ST3GAL5: variants seen among roughly 807,000 people sequenced by gnomAD.
ST3GAL5 encodes the protein ST3 beta-galactoside alpha-2,3-sialyltransferase 5.
ST3GAL5 carries 25 observed loss-of-function variants against 46.1 expected under a neutral mutation model. The ratio of observed to expected loss-of-function variants is 0.54; its 90% CI spans 0.40 to 0.76. The LOEUF (loss-of-function observed/expected upper bound fraction) is 0.76. ST3GAL5 is among the 30% of genes least tolerant of loss of function. ST3GAL5 has a pLI of 0.00. For synonymous variants in ST3GAL5, 182 were observed against 192.7 expected, an observed-to-expected ratio of 0.94 and a Z score of 0.46; for missense variants, 431 against 521.2, an observed-to-expected ratio of 0.83 and a Z score of 1.69.
chr2:85,842,393 A>T (rs899716444), intron 6 of ST3GAL5, among the ~76,000 whole-genome samples: 1 of 152,120 alleles, frequency 6.6e-6, no homozygotes, highest in Non-Finnish European at 1.5e-5. Flanking sequence ...ATATGGAGAG[A>T]ACTAAAAAAC....
chr2:85,856,022 G>C (rs1438591405), intron 3 of ST3GAL5: 1 of 152,154 alleles, frequency 6.6e-6, no homozygotes, highest in East Asian at 1.9e-4. Flanking sequence ...CAACCATTTT[G>C]GAAAACAGCT....
intron 3 of ST3GAL5, among the ~76,000 whole-genome samples, chr2:85,860,116 T>C (rs1311672899): frequency 6.6e-6 from 1 of 152,192 alleles, no homozygotes; most frequent in Non-Finnish European, 1.5e-5. Flanking sequence ...ATGGGGATGA[T>C]TGTAGCACCT....
chr2:85,857,620 CAT>C (rs1033768753), intron 3 of ST3GAL5, among the ~76,000 whole-genome samples: 4 of 150,722 alleles, frequency 2.7e-5, no homozygotes, highest in African/African-American at 9.8e-5. Context: ...GCCTAAAATA[CAT>C]AGAGTTGGGA....
chr2:85,868,237 T>C (rs986806336), intron 1 of ST3GAL5, among the ~76,000 whole-genome samples: 15 of 152,266 alleles, frequency 9.9e-5, no homozygotes, highest in Admixed American at 3.9e-4. Flanking sequence ...TACATGAACA[T>C]TGAATCAGGG....
At chr2:85,844,792 C>A in intron 5 of ST3GAL5, 1 of 575,844 alleles carries the variant, frequency 1.7e-6, no homozygotes, top group Admixed American at 2.8e-5. Context: ...AATTGCAGAA[C>A]CAGCTTGTAT....
intron 1 of ST3GAL5, among the ~76,000 whole-genome samples, chr2:85,870,546 G>A (rs1374584372): frequency 1.3e-5 from 2 of 152,094 alleles, no homozygotes; most frequent in African/African-American, 4.8e-5. Flanking sequence ...CCACCTTTAT[G>A]CAGAAAAGGC....
chr2:85,845,096 ATTAG>A (rs1196142970), intron 5 of ST3GAL5: 11 of 208,640 alleles, frequency 5.3e-5, no homozygotes, highest in Non-Finnish European at 9.8e-5. Flanking sequence ...AATACGTCCC[ATTAG>A]TTTCACAGAC....
intron 1 of ST3GAL5, among the ~76,000 whole-genome samples, chr2:85,874,327 C>T (rs1164908756): frequency 3.9e-5 from 6 of 152,270 alleles, no homozygotes; most frequent in South Asian, 2.1e-4. Flanking sequence ...GTTCCCAGCA[C>T]GCACGATGGG....
intron 1 of ST3GAL5, among the ~76,000 whole-genome samples, chr2:85,869,374 C>A (rs889920153): frequency 1.4e-5 from 2 of 146,686 alleles, no homozygotes; most frequent in Admixed American, 1.4e-4. Context: ...GAGTTTATTT[C>A]TTTTTGCATT....
chr2:85,888,754 A>G, intron 1 of ST3GAL5, 70 bp downstream of exon 1: 1 of 1,112,748 alleles, frequency 9.0e-7, no homozygotes, highest in Non-Finnish European at 1.1e-6. Flanking sequence ...GCCCGGGAAG[A>G]GACAAGTCGC....
At chr2:85,860,874 T>G (rs567820227) in intron 3 of ST3GAL5, 1 of 325,510 alleles carries the variant, frequency 3.1e-6, no homozygotes, top group South Asian at 3.4e-5. Context: ...AAGAATTTCT[T>G]TGTTGTTTAC....
rs1267804946 is a variant in ST3GAL5, at chr2:85,839,228, A to G, written c.*916T>C. Reference sequence around the variant, plus strand: ...ATACACCGCCAGGTAGGCATTCAGAAAAGTTTCTTTTTTTTAAATACACAA... The same window carrying G: ...ATACACCGCCAGGTAGGCATTCAGAGAAGTTTCTTTTTTTTAAATACACAA... On this transcript the variant is annotated 3_prime_UTR_variant, in exon 7 of 7. Transcript: ENST00000638572. 2.0e-5 allele frequency: 3 copies of G among 152,226 alleles called. No homozygotes were observed. The highest frequency in any genetic ancestry group is 7.2e-5 in the African/African-American group (3 of 41,458). The allele number at this position is 152,226 out of a possible 1,614,324, so 9.4% of individuals were successfully genotyped here.
rs1558647137 is a variant in ST3GAL5 at position 85,844,537 on chromosome 2, G to A, written c.867C>T (p.Leu289=). ...TTTCTGCCACCTGCTTCCAAAAGAA[G>A]AGTCGTACCCAGAATGGCTAAGGAA... ...KKETLPFWVR[L]FFWKQVAEKI... Residue 289 remains leucine, a synonymous_variant, in exon 6 of 7, where the codon CTC becomes CTT. Transcript: ENST00000638572. 6.2e-7 allele frequency: 1 copy of A among 1,614,116 alleles called. No individual in the cohort carries two copies. Among genetic ancestry groups the A allele is most frequent in the Non-Finnish European group, 8.5e-7 (1 of 1,180,022 alleles).
intron 3 of ST3GAL5, among the ~76,000 whole-genome samples, chr2:85,859,915 T>C (rs1277739524): frequency 6.6e-6 from 1 of 152,180 alleles, no homozygotes; most frequent in Non-Finnish European, 1.5e-5. Flanking sequence ...CTCTTTCCTC[T>C]CTGCACCATG....
At position 85,840,304 on chromosome 2, in the gene ST3GAL5, T is replaced by C. The variant is rs1681862398; in HGVS notation, c.1097A>G (p.Asn366Ser). 2.5e-6 allele frequency: 4 copies of C among 1,614,052 alleles called. No individual in the cohort carries two copies. Among genetic ancestry groups the C allele is most frequent in the Middle Eastern group, 1.7e-4 (1 of 6,060 alleles). ...GTAGTGCAAAGGTGTTCTGGGTTGA[T>C]TGAGGTCATATCCAAAACCCGCCAA... ...VSLAGFGYDL[N>S]QPRTPLHYFD... is the part of the protein sequence containing the mutation. The change falls in exon 7 of 7, where the codon AAT becomes AGT. Residue 366 changes from asparagine to serine, a missense_variant. Transcript: ENST00000638572.
chr2:85,862,068 T>C (rs578064427), intron 2 of ST3GAL5, among the ~76,000 whole-genome samples: 4 of 152,210 alleles, frequency 2.6e-5, no homozygotes, highest in South Asian at 4.2e-4. Context: ...TCTAGCATAA[T>C]ATATTATACA....
rs1212738862 is a variant in ST3GAL5 at position 85,837,962 on chromosome 2, G to A, written c.*2182C>T. ...ACCTAGCAAAGGTCTGTTTTCAGAA[G>A]AGTGTGTGTGGGGTGGGGGAGTAAT... On this transcript the variant is annotated 3_prime_UTR_variant, in exon 7 of 7. Transcript: ENST00000638572. The A allele has an allele frequency of 6.6e-6, 1 of 152,316 alleles. No homozygotes were observed. The highest frequency in any genetic ancestry group is 1.5e-5 in the Non-Finnish European group (1 of 68,164). 9.4% of individuals were successfully genotyped at this position (152,316 alleles called of 1,614,324 possible).
intron 3 of ST3GAL5, chr2:85,850,612 A>G: frequency 6.6e-6 from 1 of 152,266 alleles, no homozygotes; most frequent in African/African-American, 2.4e-5. Context: ...CCTAGGCCCG[A>G]AGGTCATGAA....
At chr2:85,865,299 G>A (rs1006629214) in intron 1 of ST3GAL5, among the ~76,000 whole-genome samples, 8 of 151,746 alleles carry the variant, frequency 5.3e-5, no homozygotes, top group South Asian at 2.1e-4. Flanking sequence ...CATTTTTCCC[G>A]TTAGGGTTTT....
Sources: gnomAD v4.1 joint callset for allele counts (sites outside exome capture counted in the v4.1 genomes callset) on GRCh38, gnomAD v4.1.1 for gene constraint, MANE v1.5 for transcripts, NCBI Gene and HGNC (gene_info 2026-07-23, HGNC 2026-07-21) for gene names.